The following VPS11 variants were observed in gnomAD, a reference collection of about 807,000 sequenced individuals.
The protein encoded by VPS11 is VPS11 core subunit of CORVET and HOPS complexes.
Under a neutral mutation model 106.8 loss-of-function variants are expected in VPS11, and 51 were observed. The ratio of observed to expected loss-of-function variants is 0.48; its 90% CI spans 0.38 to 0.60. The LOEUF (loss-of-function observed/expected upper bound fraction) is 0.60, where lower values mean the gene tolerates loss of function less well. VPS11 is among the 20% of genes least tolerant of loss of function. The pLI is 0.00. For synonymous variants in VPS11, 453 were observed against 458.7 expected, an observed-to-expected ratio of 0.99 and a Z score of 0.16; for missense variants, 950 against 1,190.0, an observed-to-expected ratio of 0.80 and a Z score of 2.97.
Position 119,073,584 on chromosome 11 carries a change from G to C in VPS11, c.1086+185G>C. On this transcript the variant is annotated intron_variant, in intron 6 of 15. Coordinates refer to ENST00000621676, the MANE Select transcript of VPS11 (RefSeq NM_021729.6). ...GGCTTTAGAGGGAAGTAGTGGCTGG[G>C]AGCCTGAGCCCACTCTAAGGGTTCA... 3.4e-6 allele frequency: 3 copies of C among 881,320 alleles called. No individual in the cohort carries two copies. The South Asian group carries it at 5.3e-5, about 16-fold the overall frequency. 54.6% of individuals were successfully genotyped at this position (881,320 alleles called of 1,614,324 possible).
At chr11:119,072,923 G>A (rs1474564199) in intron 5 of VPS11, 2 of 456,158 alleles carry the variant, frequency 4.4e-6, no homozygotes, top group African/African-American at 3.9e-5. Context: ...CATATACCAT[G>A]TATTGGATTA....
Position 119,078,035 on chromosome 11 carries a change from G to T in VPS11, c.1730G>T (p.Gly577Val), listed in dbSNP as rs375143893. Reference sequence around the variant, plus strand: ...ACTGATTATCGGCCCAGCCTCGAAGGCCGCAGCGATAGGGAGGCCCCAGGC... The same window carrying T: ...ACTGATTATCGGCCCAGCCTCGAAGTCCGCAGCGATAGGGAGGCCCCAGGC... The part of the protein sequence containing the change: ...LCTDYRPSLE[G>V]RSDREAPGCR... The change falls in exon 10 of 16, where the codon GGC (glycine) becomes GTC (valine). Residue 577 changes from glycine (G) to valine (V), a missense_variant. Coordinates refer to ENST00000621676, the MANE Select transcript of VPS11 (RefSeq NM_021729.6). 64 of 1,612,160 alleles carry T rather than the reference G, an allele frequency of 4.0e-5. No homozygotes were observed. The highest frequency in any genetic ancestry group is 4.9e-5 in the Non-Finnish European group (58 of 1,179,878).
intron 9 of VPS11, 102 bp from the exon 10 acceptor site, chr11:119,077,776 G>C (rs2134789097): frequency 6.4e-7 from 1 of 1,556,910 alleles, no homozygotes; most frequent in East Asian, 2.2e-5. Flanking sequence ...TCTCAACTTG[G>C]GCAGAGCCCT....
Position 119,081,711 on chromosome 11 carries a change from T to C in VPS11, c.*88T>C. ...GGCGGGCGTTACACAGAAGGCTGGC[T>C]GACATGCCCAGGGCTCCACTCTCAT... On this transcript the variant is annotated 3_prime_UTR_variant, in exon 16 of 16. Transcript: ENST00000621676. 2 of 1,508,612 alleles carry C rather than the reference T, an allele frequency of 1.3e-6. No individual in the cohort carries two copies. The highest frequency in any genetic ancestry group is 2.5e-5 in the South Asian group (2 of 80,564). The allele number at this position is 1,508,612 out of a possible 1,614,324, so 93.5% of individuals were successfully genotyped here. A position where few individuals can be genotyped will look rare whatever the true frequency, so the allele number is the denominator to read the frequency against.
Position 119,077,759 on chromosome 11 carries a change from G to A in VPS11, c.1572+112G>A, listed in dbSNP as rs116620442. The A allele has an allele frequency of 4.3e-3, 6,644 of 1,546,600 alleles. 140 individuals are homozygous for A. The African/African-American group carries it at 0.054, about 13-fold the overall frequency. On this transcript the variant is annotated intron_variant, in intron 9 of 15. Coordinates refer to ENST00000621676, the MANE Select transcript of VPS11 (RefSeq NM_021729.6). ...TCCCACCCCATCCTCCTGAGTGGAG[G>A]TGAGACTCTCAACTTGGGCAGAGCC...
intron 4 of VPS11, 191 bp downstream of exon 4, chr11:119,070,588 G>T: frequency 1.4e-5 from 7 of 486,270 alleles, no homozygotes; most frequent in South Asian, 5.4e-5. Flanking sequence ...TGGGCTTGTA[G>T]TAAAAAGATG....
chr11:119,073,728 T>TG, intron 6 of VPS11, 72 bp from the exon 7 acceptor site: 1 of 1,516,120 alleles, frequency 6.6e-7, no homozygotes, highest in Non-Finnish European at 9.0e-7. Context: ...TTTTGTGTGT[T>TG]GTGCGCACAT....
In VPS11 at chr11:119,081,212, T is replaced by C. The variant is rs782702669; in HGVS notation, c.2559T>C (p.Ser853=). The change falls in exon 15 of 16, where the codon AGT becomes AGC. Residue 853 remains serine (S), a synonymous_variant. Coordinates refer to ENST00000621676, the MANE Select transcript of VPS11 (RefSeq NM_021729.6). ...HQHCFESYSE[S]DADCPTCLPE... ...ACTGCTTTGAGAGTTACTCGGAAAG[T>C]GATGCTGACTGCCCCACCTGCCTCC... 1.7e-5 allele frequency: 27 copies of C among 1,613,876 alleles called. No individual in the cohort carries two copies. Among genetic ancestry groups the C allele is most frequent in the East Asian group, 1.3e-4 (6 of 44,896 alleles).
chr11:119,075,475 C>A (rs890623227), intron 7 of VPS11, among the ~76,000 whole-genome samples: 2 of 144,646 alleles, frequency 1.4e-5, no homozygotes, highest in African/African-American at 2.6e-5. Context: ...GAGGCCAAGG[C>A]GGGTGGATCA....
At chr11:119,068,084 C>T (rs2133640859) in intron 1 of VPS11, 74 bp downstream of exon 1, 91 of 1,460,930 alleles carry the variant, frequency 6.2e-5, no homozygotes, top group Non-Finnish European at 8.0e-5. Flanking sequence ...ATCTGTTTGT[C>T]GGAGGGGTCC....
At chr11:119,074,398 CTTTT>C (rs551498478) in intron 7 of VPS11, among the ~76,000 whole-genome samples, 1 of 150,110 alleles carries the variant, frequency 6.7e-6, no homozygotes, top group East Asian at 2.0e-4. Flanking sequence ...TTTTTCTTTG[CTTTT>C]TTTGTTTGTT....
Position 119,081,903 on chromosome 11 carries a change from C to A in VPS11, c.*280C>A. The stretch of plus-strand genomic sequence containing the variant: ...GACAATAGCTGCTTTCTTCTCTATC[C>A]AAGAGCACCAGGCTGTGCTTGGGTC... On this transcript the variant is annotated 3_prime_UTR_variant, in exon 16 of 16. Coordinates refer to ENST00000621676, the MANE Select transcript of VPS11 (RefSeq NM_021729.6). 1 of 435,104 alleles carries A rather than the reference C, an allele frequency of 2.3e-6. No individual in the cohort carries two copies. Among genetic ancestry groups the A allele is most frequent in the Non-Finnish European group, 4.1e-6 (1 of 243,352 alleles). 27.0% of individuals were successfully genotyped at this position (435,104 alleles called of 1,614,324 possible). A position where few individuals can be genotyped will look rare whatever the true frequency, so the allele number is the denominator to read the frequency against.
chr11:119,072,033 C>G (rs1245027367), intron 5 of VPS11, 190 bp downstream of exon 5: 5 of 666,576 alleles, frequency 7.5e-6, no homozygotes, highest in Non-Finnish European at 1.2e-5. Flanking sequence ...GTGGCGTGAT[C>G]TCGGCTCACT....
rs1486596487 is a variant in VPS11, at chr11:119,071,074, A to C, written c.637-522A>C. ...CTCCTGAGTACGTGGGATTACAGGC[A>C]TGTGTCACCATGCCTGGCTAATTTT... On this transcript the variant is annotated intron_variant, in intron 4 of 15. Coordinates refer to ENST00000621676, the MANE Select transcript of VPS11 (RefSeq NM_021729.6). Among the ~76,000 whole-genome samples, 5 of 151,934 alleles carry C rather than the reference A, an allele frequency of 3.3e-5. No homozygotes were observed. The East Asian group carries it at 9.7e-4, about 29-fold the overall frequency.
chr11:119,073,980 C>T (rs1945503461), intron 7 of VPS11, 29 bp downstream of exon 7: 2 of 1,588,534 alleles, frequency 1.3e-6, no homozygotes, highest in South Asian at 1.1e-5. Flanking sequence ...TGGGATATAG[C>T]TGTGAATGCA....
At chr11:119,080,888 G>A (rs1319922899) in intron 14 of VPS11, among the ~76,000 whole-genome samples, 1 of 152,234 alleles carries the variant, frequency 6.6e-6, no homozygotes, top group Non-Finnish European at 1.5e-5. Flanking sequence ...AGTTGGCCTT[G>A]TTGGGAGCAT....
At chr11:119,069,398 GT>G (rs782206948) in intron 2 of VPS11, 43 bp from the exon 3 acceptor site, 6 of 1,613,664 alleles carry the variant, frequency 3.7e-6, no homozygotes, top group Non-Finnish European at 8.5e-7. Flanking sequence ...ATGATTTTTT[GT>G]TGGAGGATGA....
At position 119,081,893 on chromosome 11, in the gene VPS11, C is replaced by G. The variant is rs1945865764; in HGVS notation, c.*270C>G. 1 of 462,982 alleles carries G rather than the reference C, an allele frequency of 2.2e-6. No homozygotes were observed. The highest frequency in any genetic ancestry group is 1.9e-5 in the African/African-American group (1 of 51,516). The allele number at this position is 462,982 out of a possible 1,614,324, so 28.7% of individuals were successfully genotyped here. On this transcript the variant is annotated 3_prime_UTR_variant, in exon 16 of 16. Coordinates refer to ENST00000621676, the MANE Select transcript of VPS11 (RefSeq NM_021729.6). The stretch of plus-strand genomic sequence containing the variant: ...TCTGAGTGTGGACAATAGCTGCTTT[C>G]TTCTCTATCCAAGAGCACCAGGCTG...
intron 13 of VPS11, 62 bp from the exon 14 acceptor site, chr11:119,079,067 C>A: frequency 2.5e-6 from 4 of 1,612,158 alleles, no homozygotes; most frequent in Non-Finnish European, 3.4e-6. Flanking sequence ...GGCCCTTCAC[C>A]TTTATCCAGA....
Sources: allele counts gnomAD v4.1 joint callset (sites outside exome capture counted in the v4.1 genomes callset), GRCh38; gene constraint gnomAD v4.1.1; transcripts MANE v1.5; gene names NCBI Gene and HGNC (gene_info 2026-07-23, HGNC 2026-07-21).